HYDIN: variants seen among roughly 807,000 people sequenced by gnomAD.
HYDIN encodes axonemal central pair apparatus protein HYDIN.
Under a neutral mutation model 403.9 loss-of-function variants are expected in HYDIN, and 132 were observed. The ratio of observed to expected loss-of-function variants is 0.33; its 90% confidence interval spans 0.28 to 0.38. The LOEUF is 0.38. Among genes scored for constraint, HYDIN ranks in the 10% least tolerant of loss-of-function variants. The pLI is 1.00. For missense variants in HYDIN, 2,827 were observed against 5,009.5 expected (o/e 0.56, Z 13.15); for synonymous variants, 1,202 against 1,891.7 (o/e 0.64, Z 9.46).
In HYDIN at chr16:70,810,023, G is replaced by C. The variant is rs754017332; in HGVS notation, c.14659-16C>G. On this transcript the variant is annotated splice_polypyrimidine_tract_variant and intron_variant, in intron 84 of 85. Transcript: ENST00000393567. ...AGAACGTGCCCTGGAAGAGAAAACAGAGGATCCTGTCATGCTGAAAGGCTA... is the reference window on the plus strand; with the variant it reads ...AGAACGTGCCCTGGAAGAGAAAACACAGGATCCTGTCATGCTGAAAGGCTA... 6.2e-7 allele frequency: 1 copy of C among 1,612,152 alleles called. No individual in the cohort carries two copies.
chr16:70,850,475 G>C lies in HYDIN; in HGVS notation c.12624C>G (p.Asn4208Lys), dbSNP rs773885101. Residue 4208 changes from asparagine to lysine, a missense_variant, in exon 74 of 86, where the codon AAC (asparagine) becomes AAG (lysine). Asn to Lys is a moderately conservative substitution (Grantham distance 94). Coordinates refer to ENST00000393567, the MANE Select transcript of HYDIN (RefSeq NM_001270974.2). ...RTGSITLLTP[N>K]QTNIINFYEV... ...CATAGAAGTTGATGATGTTAGTCTG[G>C]TTGGGAGTCAACAGAGTGATGGAGC... 4.4e-6 allele frequency: 7 copies of C among 1,580,564 alleles called. No individual in the cohort carries two copies. The highest frequency in any genetic ancestry group is 1.7e-5 in the Admixed American group (1 of 57,398).
chr16:71,178,332 T>G (rs1422116186), intron 4 of HYDIN, among the ~76,000 whole-genome samples: 1 of 150,218 alleles, frequency 6.7e-6, no homozygotes, highest in Non-Finnish European at 1.5e-5. Flanking sequence ...GGCAGGAGAA[T>G]CGCTTGAACC....
At chr16:70,961,777 CAA>C (rs895885235) in intron 38 of HYDIN, among the ~76,000 whole-genome samples, 180 bp downstream of exon 38, 2 of 152,134 alleles carry the variant, frequency 1.3e-5, no homozygotes, top group African/African-American at 4.8e-5. Flanking sequence ...ACCCAACTCT[CAA>C]GCTTGTATCC....
intron 8 of HYDIN, chr16:71,133,409 A>G (rs1423381977): frequency 3.7e-5 from 14 of 375,788 alleles, no homozygotes. Context: ...ATTTTTGTAT[A>G]AACCCTAGGG....
intron 1 of HYDIN, among the ~76,000 whole-genome samples, chr16:71,205,496 G>C (rs530538492): frequency 6.6e-6 from 1 of 152,302 alleles, no homozygotes; most frequent in African/African-American, 2.4e-5. Flanking sequence ...ATTTTGCAGG[G>C]GTAATTCCGA....
intron 13 of HYDIN, among the ~76,000 whole-genome samples, chr16:71,078,755 C>T (rs2082693845): frequency 6.6e-6 from 1 of 152,208 alleles, no homozygotes; most frequent in African/African-American, 2.4e-5. Flanking sequence ...ATCCTCCCGC[C>T]TCGCCCTCCC....
intron 18 of HYDIN, among the ~76,000 whole-genome samples, chr16:71,048,887 C>T (rs2081540223): frequency 6.6e-6 from 1 of 152,088 alleles, no homozygotes; most frequent in Non-Finnish European, 1.5e-5. Context: ...AAAAAAAGAA[C>T]TCTGCTCTCT....
intron 1 of HYDIN, among the ~76,000 whole-genome samples, chr16:71,205,652 G>A (rs945035915): frequency 1.3e-5 from 2 of 152,188 alleles, no homozygotes; most frequent in Non-Finnish European, 2.9e-5. Flanking sequence ...TCAGCTTCTG[G>A]CCCACCTCCA....
chr16:71,215,182 T>C (rs2144742421), intron 1 of HYDIN, among the ~76,000 whole-genome samples: 3 of 150,280 alleles, frequency 2.0e-5, no homozygotes, highest in Admixed American at 2.0e-4. Flanking sequence ...GTCACTAGAG[T>C]ACCAATTCAC....
At chr16:71,066,709 G>A (rs1021117503) in intron 15 of HYDIN, 3 of 365,094 alleles carry the variant, frequency 8.2e-6, no homozygotes, top group Non-Finnish European at 1.6e-5. Flanking sequence ...TCAACAAATG[G>A]CTGAGCCAGG....
At chr16:70,821,577 G>A (rs574028631) in intron 83 of HYDIN, among the ~76,000 whole-genome samples, 5 of 151,802 alleles carry the variant, frequency 3.3e-5, no homozygotes, top group Non-Finnish European at 7.4e-5. Flanking sequence ...TGTCCCTCTC[G>A]CTGTAATATG....
At chr16:71,059,852 T>C (rs1419095113) in intron 18 of HYDIN, among the ~76,000 whole-genome samples, 1 of 152,180 alleles carries the variant, frequency 6.6e-6, no homozygotes, top group Admixed American at 6.5e-5. Context: ...CCTCACATTG[T>C]TCAAGGGTCA....
rs753753871 is a variant in HYDIN at position 70,992,105 on chromosome 16, T to C, written c.3750A>G (p.Val1250=). 11 of 1,613,478 alleles carry C rather than the reference T, an allele frequency of 6.8e-6. No homozygotes were observed. The highest frequency in any genetic ancestry group is 1.3e-5 in the African/African-American group (1 of 74,954). The part of the protein sequence containing the change: ...AASPPAILVT[V]ESPEMDLNDF... ...CATTTAAATCCATCTCGGGGGACTCTACTGTAACTAGGATTGCTGGTGGGC... is the reference window on the plus strand; with the variant it reads ...CATTTAAATCCATCTCGGGGGACTCCACTGTAACTAGGATTGCTGGTGGGC... The change falls in exon 24 of 86, where the codon GTA becomes GTG. Residue 1250 remains valine (V), a synonymous_variant. Transcript: ENST00000393567.
chr16:70,817,853 T>C (rs1300972306), intron 84 of HYDIN, among the ~76,000 whole-genome samples: 1 of 152,110 alleles, frequency 6.6e-6, no homozygotes, highest in African/African-American at 2.4e-5. Context: ...GCAATTCTTC[T>C]GCCTCAGCCT....
At chr16:70,834,826 C>A (rs1407255911) in intron 78 of HYDIN, among the ~76,000 whole-genome samples, 1 of 149,838 alleles carries the variant, frequency 6.7e-6, no homozygotes, top group Non-Finnish European at 1.5e-5. Flanking sequence ...CCAGCCTGGT[C>A]GACAGAGTGA....
At chr16:70,963,954 C>T (rs3843040) in intron 37 of HYDIN, among the ~76,000 whole-genome samples, 48,002 of 134,196 alleles carry the variant, frequency 0.36, 9,337 homozygotes, top group East Asian at 0.55. Context: ...AAAATAATTA[C>T]GTGTATGACT....
At chr16:70,906,630 C>G (rs2076545358) in intron 50 of HYDIN, among the ~76,000 whole-genome samples, 1 of 152,140 alleles carries the variant, frequency 6.6e-6, no homozygotes, top group South Asian at 2.1e-4. Flanking sequence ...ACAGCCTGCC[C>G]TGCGCTCCAG....
chr16:70,932,279 T>C (rs1483820295), intron 45 of HYDIN, among the ~76,000 whole-genome samples: 1 of 151,742 alleles, frequency 6.6e-6, no homozygotes, highest in African/African-American at 2.4e-5. Context: ...CACTTGAACA[T>C]GGGAAGCGGA....
rs1344862349 is a variant in HYDIN, at chr16:70,938,737, G to A, written c.6872C>T (p.Ala2291Val). The change falls in exon 44 of 86, where the codon GCT (alanine) becomes GTT (valine). Residue 2291 changes from alanine (A) to valine (V), a missense_variant. By Grantham distance (64) the Ala-to-Val change is moderately conservative. Coordinates refer to ENST00000393567, the MANE Select transcript of HYDIN (RefSeq NM_001270974.2). ...KEQEERKHKG[A>V]LEKEKERLQN... ...GAGACGCTCCTTCTCTTTCTCAAGA[G>A]CTCCCTTGTGCTTGCGTTCTGTGAG... 44 of 1,614,128 alleles carry A rather than the reference G, an allele frequency of 2.7e-5. No homozygotes were observed. Among genetic ancestry groups the A allele is most frequent in the Non-Finnish European group, 3.6e-5 (42 of 1,180,042 alleles).
Sources: gnomAD v4.1 joint callset for allele counts (sites outside exome capture counted in the v4.1 genomes callset) on GRCh38, gnomAD v4.1.1 for gene constraint, MANE v1.5 for transcripts, NCBI Gene and HGNC (gene_info 2026-07-23, HGNC 2026-07-21) for gene names.